CIT: variants seen among roughly 807,000 people sequenced by gnomAD.
The protein encoded by CIT is citron Rho-interacting kinase.
In CIT, 79 loss-of-function variants were observed where a neutral mutation model predicts 272.7. The ratio of observed to expected loss-of-function variants is 0.29; its 90% CI spans 0.24 to 0.35. The LOEUF is 0.35. CIT is among the 10% of genes least tolerant of loss of function. CIT has a pLI of 1.00. For synonymous variants in CIT, 948 were observed against 995.6 expected, an observed-to-expected ratio of 0.95 and a Z score of 0.90; for missense variants, 1,909 against 2,618.3, an observed-to-expected ratio of 0.73 and a Z score of 5.91.
chr12:119,845,795 C>CA (rs1287765106), intron 5 of CIT, among the ~76,000 whole-genome samples: 1 of 151,210 alleles, frequency 6.6e-6, no homozygotes, highest in Non-Finnish European at 1.5e-5. Flanking sequence ...ACTGAAAATA[C>CA]AAAAATGAGC....
chr12:119,736,944 C>T (rs188396302), intron 24 of CIT, among the ~76,000 whole-genome samples: 60 of 152,270 alleles, frequency 3.9e-4, no homozygotes, highest in Non-Finnish European at 5.7e-4. Context: ...GATTCTGGAA[C>T]CCCCAATAAG....
chr12:119,803,518 T>C (rs1593808248), intron 9 of CIT, 129 bp from the exon 10 acceptor site: 1 of 610,672 alleles, frequency 1.6e-6, no homozygotes, highest in East Asian at 3.2e-5. Context: ...GCTTTCAATC[T>C]AGCTCGCAAC....
At chr12:119,807,694 G>A (rs996159566) in intron 9 of CIT, among the ~76,000 whole-genome samples, 8 of 152,090 alleles carry the variant, frequency 5.3e-5, no homozygotes, top group African/African-American at 1.9e-4. Context: ...GGTACTTGAT[G>A]TTTGAATTAA....
chr12:119,713,391 C>T lies in CIT; in HGVS notation c.4487+77G>A, dbSNP rs1957275149. On this transcript the variant is annotated intron_variant, in intron 34 of 47. Transcript: ENST00000392521. This position sits in a 1 kb window ranked among gnomAD's most constrained non-coding sequence, Gnocchi z 5.2. ...GGGGTGGCAGAGTTCCTAGAAAAGA[C>T]ACTTCCCTAGAAAACATCAGGGACA... The T allele has an allele frequency of 1.3e-6, 2 of 1,584,284 alleles. No individual in the cohort carries two copies. The highest frequency in any genetic ancestry group is 1.7e-6 in the Non-Finnish European group (2 of 1,157,616).
intron 10 of CIT, among the ~76,000 whole-genome samples, chr12:119,792,189 A>C (rs1347381020): frequency 6.6e-6 from 1 of 152,172 alleles, no homozygotes; most frequent in Non-Finnish European, 1.5e-5. Context: ...TCCCTTAGGA[A>C]TAGGACCCTA....
intron 5 of CIT, among the ~76,000 whole-genome samples, chr12:119,835,674 T>C (rs1481841571): frequency 6.6e-6 from 1 of 152,134 alleles, no homozygotes; most frequent in Non-Finnish European, 1.5e-5. Context: ...ATTCTCACCA[T>C]CATCCTCCAA....
chr12:119,875,250 C>A (rs1038495958), intron 2 of CIT, among the ~76,000 whole-genome samples: 3 of 152,142 alleles, frequency 2.0e-5, no homozygotes, highest in African/African-American at 7.2e-5. Context: ...CTGCAGTAAG[C>A]CGTGATTGTG....
intron 41 of CIT, 125 bp from the exon 42 acceptor site, chr12:119,702,083 C>G (rs751358224): frequency 1.0e-5 from 7 of 699,532 alleles, no homozygotes; most frequent in Admixed American, 5.3e-5. Flanking sequence ...CAAGCTTGTT[C>G]ACGTTGTCAT....
Position 119,713,492 on chromosome 12 carries a change from A to G in CIT, c.4463T>C (p.Leu1488Pro). 1 of 1,614,126 alleles carries G rather than the reference A, an allele frequency of 6.2e-7. No individual in the cohort carries two copies. Among genetic ancestry groups the G allele is most frequent in the Non-Finnish European group, 8.5e-7 (1 of 1,180,000 alleles). Residue 1488 changes from leucine to proline, a missense_variant, in exon 34 of 48, where the codon CTG becomes CCG. Physicochemically the swap from Leu to Pro is moderately conservative, Grantham distance 98. Around this residue, in one of 8 missense-constraint regions of CIT, gnomAD observed 780 missense variants for 1,067.2 expected, o/e 0.73. Coordinates refer to ENST00000392521, the MANE Select transcript of CIT (RefSeq NM_001206999.2). The surrounding 1 kb of genome is among the most constrained non-coding windows in gnomAD (Gnocchi z 5.2). ...QTKEPSSSLH[L>P]EGWMKVPRNN... The stretch of plus-strand genomic sequence containing the variant: ...CCTGGGCACCTTCATCCACCCTTCC[A>G]GGTGCAAGCTGCTGCTGGGCTCCTT...
intron 22 of CIT, among the ~76,000 whole-genome samples, chr12:119,756,230 T>C (rs1960961893): frequency 6.6e-6 from 1 of 152,188 alleles, no homozygotes; most frequent in Admixed American, 6.5e-5. Flanking sequence ...GGGTCTAAGT[T>C]GTCTATTTTG....
At chr12:119,693,935 G>A (rs7312866) in intron 46 of CIT, among the ~76,000 whole-genome samples, 9,997 of 152,134 alleles carry the variant, frequency 0.066, 1,087 homozygotes, top group African/African-American at 0.23. Flanking sequence ...ACATTATGTC[G>A]GGCACATGGT....
At chr12:119,783,700 G>A in intron 12 of CIT, 1 of 508,936 alleles carries the variant, frequency 2.0e-6, no homozygotes. Flanking sequence ...TGCACTTTCT[G>A]CTGGAAATGA....
At position 119,776,827 on chromosome 12, in the gene CIT, C is replaced by T. The variant is rs1963792824; in HGVS notation, c.1681G>A (p.Val561Met). 1.2e-6 allele frequency: 2 copies of T among 1,613,970 alleles called. No homozygotes were observed. Among genetic ancestry groups the T allele is most frequent in the Non-Finnish European group, 1.7e-6 (2 of 1,180,040 alleles). Residue 561 changes from valine (V) to methionine (M), a missense_variant, in exon 14 of 48, where the codon GTG becomes ATG. Val to Met is a conservative substitution (Grantham distance 21, BLOSUM62 1). This residue lies in a region of CIT where 530 missense variants were observed against 822.4 expected (regional missense o/e 0.64). Transcript: ENST00000392521. ...TTCATCATCAACCTCATTTCTTCCA[C>T]TTGAGCCTGGTACTCCTAAAGAGCA... ...EIKEQEYQAQ[V>M]EEMRLMMNQL...
At chr12:119,787,429 TC>T (rs1964889465) in intron 10 of CIT, among the ~76,000 whole-genome samples, 1 of 99,482 alleles carries the variant, frequency 1.0e-5, no homozygotes, top group African/African-American at 5.0e-5. Context: ...AGACCTTGTC[TC>T]TTAAAAAAAA....
intron 3 of CIT, 142 bp downstream of exon 3, chr12:119,868,918 G>T: frequency 2.1e-6 from 2 of 944,768 alleles, no homozygotes; most frequent in Non-Finnish European, 3.2e-6. Context: ...AAGAGGTGCA[G>T]CCTGAATTTG....
chr12:119,793,290 T>C (rs1965475284), intron 10 of CIT, among the ~76,000 whole-genome samples: 1 of 151,898 alleles, frequency 6.6e-6, no homozygotes, highest in African/African-American at 2.4e-5. Context: ...AATAAAAGAA[T>C]AGCTAGTCCC....
chr12:119,790,023 T>C (rs1306104460), intron 10 of CIT, among the ~76,000 whole-genome samples: 1 of 152,020 alleles, frequency 6.6e-6, no homozygotes, highest in Admixed American at 6.6e-5. Flanking sequence ...CTGTTTTCTT[T>C]TTCTAAGATT....
chr12:119,729,966 T>A (rs1471272381), intron 27 of CIT, among the ~76,000 whole-genome samples: 3 of 152,186 alleles, frequency 2.0e-5, no homozygotes, highest in Non-Finnish European at 4.4e-5. Context: ...AAACATTGTT[T>A]ATGACTATAA....
At chr12:119,765,397 A>G (rs1213470774) in intron 19 of CIT, among the ~76,000 whole-genome samples, 1 of 145,450 alleles carries the variant, frequency 6.9e-6, no homozygotes, top group Non-Finnish European at 1.5e-5. Context: ...ATTATAATAT[A>G]TATTATATAA....
Sources: allele counts gnomAD v4.1 joint callset (sites outside exome capture counted in the v4.1 genomes callset), GRCh38; gene constraint gnomAD v4.1.1; regional missense constraint gnomAD v4.1.1; non-coding constraint Gnocchi (gnomAD v3.1); transcripts MANE v1.5; gene names NCBI Gene and HGNC (gene_info 2026-07-23, HGNC 2026-07-21).